Variants in SSBP3 observed in about 807,000 individuals in gnomAD.
The protein encoded by SSBP3 is single stranded DNA binding protein 3.
In SSBP3, 5 loss-of-function variants were observed where a neutral mutation model predicts 69.6. That is an observed-to-expected ratio of 0.07 (90% CI 0.04 to 0.15). SSBP3 has a LOEUF of 0.15. Among genes scored for constraint, SSBP3 ranks in the 10% least tolerant of loss-of-function variants. SSBP3 has a pLI of 1.00. For missense variants in SSBP3, 312 were observed against 534.0 expected (o/e 0.58, Z 4.10); for synonymous variants, 196 against 193.4 (o/e 1.01, Z -0.11).
At chr1:54,322,302 G>A (rs906919840) in intron 4 of SSBP3, among the ~76,000 whole-genome samples, 2 of 152,164 alleles carry the variant, frequency 1.3e-5, no homozygotes, top group African/African-American at 4.8e-5. Context: ...CAGCACTGCT[G>A]GTGAAGTTTT....
At chr1:54,298,131 G>A (rs1645734397) in intron 4 of SSBP3, among the ~76,000 whole-genome samples, 1 of 152,176 alleles carries the variant, frequency 6.6e-6, no homozygotes, top group Non-Finnish European at 1.5e-5. Context: ...TATGGGCCCA[G>A]ATTTAATTGG....
chr1:54,261,278 C>G (rs1289499235), intron 5 of SSBP3, among the ~76,000 whole-genome samples: 1 of 152,210 alleles, frequency 6.6e-6, no homozygotes, highest in Non-Finnish European at 1.5e-5. Context: ...CTCTGCTGCC[C>G]TGTGTTTTAT....
chr1:54,310,204 C>T (rs772169677), intron 4 of SSBP3, among the ~76,000 whole-genome samples: 2 of 152,174 alleles, frequency 1.3e-5, no homozygotes, highest in Admixed American at 6.5e-5. Flanking sequence ...GTGTGGACCT[C>T]GGGGAGGCGC....
At chr1:54,329,326 A>T (rs1557536677) in intron 4 of SSBP3, among the ~76,000 whole-genome samples, 1 of 152,264 alleles carries the variant, frequency 6.6e-6, no homozygotes, top group Non-Finnish European at 1.5e-5. Flanking sequence ...AATATGCTGC[A>T]AAAAGCTGAA....
chr1:54,342,774 C>T lies in SSBP3; in HGVS notation c.276+59087G>A, dbSNP rs541528832. ...TGTGTAAAAATTATGTGAGGTCATG[C>T]GGAAAGGCACCTGGCACACCCTGGG... On this transcript the variant is annotated intron_variant, in intron 4 of 17. Coordinates refer to ENST00000610401, the Ensembl canonical transcript of SSBP3. 5.9e-5 allele frequency among the ~76,000 whole-genome samples: 9 copies of T among 152,254 alleles called. No individual in the cohort carries two copies. In the South Asian group the frequency reaches 6.2e-4, roughly 11 times the overall value.
At chr1:54,341,637 G>A (rs1646608218) in intron 4 of SSBP3, among the ~76,000 whole-genome samples, 1 of 151,738 alleles carries the variant, frequency 6.6e-6, no homozygotes, top group Non-Finnish European at 1.5e-5. Flanking sequence ...ATTGCTACCT[G>A]CCGTAAAATA....
intron 4 of SSBP3, among the ~76,000 whole-genome samples, chr1:54,381,040 T>C (rs576470550): frequency 2.0e-5 from 3 of 151,534 alleles, no homozygotes; most frequent in Non-Finnish European, 4.4e-5. Flanking sequence ...CAGGAGGAGT[T>C]TGAGGCTGCA....
chr1:54,240,195 A>G (rs1232005100), intron 13 of SSBP3, among the ~76,000 whole-genome samples: 1 of 151,538 alleles, frequency 6.6e-6, no homozygotes, highest in African/African-American at 2.4e-5. Context: ...GTGGTGGCTC[A>G]TGCCTGTAAT....
intron 4 of SSBP3, among the ~76,000 whole-genome samples, chr1:54,353,461 T>C (rs1038752580): frequency 6.6e-6 from 1 of 152,204 alleles, no homozygotes; most frequent in Non-Finnish European, 1.5e-5. Flanking sequence ...TAAAGATTTT[T>C]CCCTTTGCTC....
exon 1 of SSBP3, chr1:54,406,242 C>T (rs1238156075): frequency 1.6e-5 from 6 of 373,386 alleles, no homozygotes; most frequent in Non-Finnish European, 2.3e-5. Flanking sequence ...CCCTGGAACT[C>T]CTTCCGCGCC....
intron 4 of SSBP3, among the ~76,000 whole-genome samples, chr1:54,392,772 G>A (rs1648589100): frequency 6.6e-6 from 1 of 152,146 alleles, no homozygotes; most frequent in Non-Finnish European, 1.5e-5. Context: ...TGGCAGAAAG[G>A]GCAAGTAAAG....
intron 1 of SSBP3, among the ~76,000 whole-genome samples, chr1:54,412,086 T>C (rs372973194): frequency 6.6e-6 from 1 of 152,076 alleles, no homozygotes; most frequent in Non-Finnish European, 1.5e-5. Context: ...TGGTCACTCT[T>C]CTCCAAGGTA....
chr1:54,337,957 C>T (rs1646539707), intron 4 of SSBP3, among the ~76,000 whole-genome samples: 1 of 152,158 alleles, frequency 6.6e-6, no homozygotes, highest in African/African-American at 2.4e-5. Context: ...AATGAGACCC[C>T]CATCTCTATC....
At position 54,239,207 on chromosome 1, in the gene SSBP3, A is replaced by C. The variant is rs1394318224; in HGVS notation, c.857-8T>G. ...CACTGGAATTTGTTGAATCTGTAGA[A>C]CAGTGGAAACCCACAAGTCGGGGTG... On this transcript the variant is annotated splice_polypyrimidine_tract_variant and splice_region_variant and intron_variant, in intron 13 of 17. Transcript: ENST00000610401. 1 of 1,606,148 alleles carries C rather than the reference A, an allele frequency of 6.2e-7. No homozygotes were observed. The highest frequency in any genetic ancestry group is 8.5e-7 in the Non-Finnish European group (1 of 1,176,388).
intron 5 of SSBP3, among the ~76,000 whole-genome samples, chr1:54,280,466 T>C (rs1023920514): frequency 6.6e-5 from 10 of 152,226 alleles, no homozygotes; most frequent in African/African-American, 1.7e-4. Flanking sequence ...AGAGGAAATT[T>C]CTGCCTCCTT....
At chr1:54,313,709 A>AC (rs1646047097) in intron 4 of SSBP3, among the ~76,000 whole-genome samples, 3 of 151,938 alleles carry the variant, frequency 2.0e-5, no homozygotes, top group Admixed American at 1.3e-4. Context: ...ACTCAGAGTC[A>AC]AGATAGCTAA....
chr1:54,350,904 T>G (rs951216214), intron 4 of SSBP3, among the ~76,000 whole-genome samples: 1 of 152,096 alleles, frequency 6.6e-6, no homozygotes, highest in Non-Finnish European at 1.5e-5. Flanking sequence ...GGTGCAATCA[T>G]AGCCTCAACC....
intron 14 of SSBP3, chr1:54,237,761 G>A (rs753718965): frequency 3.5e-4 from 67 of 192,684 alleles, no homozygotes; most frequent in Non-Finnish European, 6.1e-4. Context: ...AACCAGCACC[G>A]TCTAGACAAA....
At chr1:54,334,534 T>C (rs1244332855) in intron 4 of SSBP3, among the ~76,000 whole-genome samples, 1 of 152,150 alleles carries the variant, frequency 6.6e-6, no homozygotes, top group South Asian at 2.1e-4. Context: ...CTGACCTGGA[T>C]TACAGTTGGT....
Sources: allele counts gnomAD v4.1 joint callset (sites outside exome capture counted in the v4.1 genomes callset), GRCh38; gene constraint gnomAD v4.1.1; transcripts MANE v1.5; gene names NCBI Gene and HGNC (gene_info 2026-07-23, HGNC 2026-07-21).